TMPRSS15: variants seen among roughly 807,000 people sequenced by gnomAD.
The protein encoded by TMPRSS15 is transmembrane serine protease 15, also known as enteropeptidase.
Under a neutral mutation model 125.3 loss-of-function variants are expected in TMPRSS15, and 128 were observed. The ratio of observed to expected loss-of-function variants is 1.02; its 90% confidence interval spans 0.89 to 1.18. The LOEUF (loss-of-function observed/expected upper bound fraction) is 1.18. TMPRSS15 is among the 50% of genes most tolerant of loss of function. The pLI is 0.00. For synonymous variants in TMPRSS15, 446 were observed against 423.2 expected, an observed-to-expected ratio of 1.05 and a Z score of -0.66; for missense variants, 1,283 against 1,212.7, an observed-to-expected ratio of 1.06 and a Z score of -0.86.
intron 1 of TMPRSS15, among the ~76,000 whole-genome samples, chr21:18,433,002 T>A (rs1291531278): frequency 1.3e-5 from 2 of 152,222 alleles, no homozygotes; most frequent in African/African-American, 2.4e-5. Flanking sequence ...CTCGGAAAGA[T>A]AACTTTGTAT....
At chr21:18,363,163 T>C (rs1180254302) in intron 7 of TMPRSS15, among the ~76,000 whole-genome samples, 1 of 152,160 alleles carries the variant, frequency 6.6e-6, no homozygotes, top group Non-Finnish European at 1.5e-5. Context: ...ATCACTAATA[T>C]AATAATCAAC....
At chr21:18,347,526 G>A (rs539697987) in intron 10 of TMPRSS15, among the ~76,000 whole-genome samples, 1 of 152,008 alleles carries the variant, frequency 6.6e-6, no homozygotes, top group South Asian at 2.1e-4. Context: ...CACTGCACCT[G>A]GCCTGTTGTA....
intron 7 of TMPRSS15, among the ~76,000 whole-genome samples, chr21:18,362,529 C>T (rs1035982022): frequency 9.9e-5 from 15 of 152,124 alleles, no homozygotes; most frequent in Non-Finnish European, 2.2e-4. Flanking sequence ...ATTCAACTCA[C>T]TTCCAATAAA....
chr21:18,434,454 T>C (rs1004091096), intron 1 of TMPRSS15, among the ~76,000 whole-genome samples: 4 of 152,130 alleles, frequency 2.6e-5, no homozygotes, highest in African/African-American at 9.7e-5. Flanking sequence ...AAGATGCTCT[T>C]TTCCTAGGTA....
intron 1 of TMPRSS15, among the ~76,000 whole-genome samples, chr21:18,454,254 TC>T (rs1379184349): frequency 1.3e-5 from 2 of 152,156 alleles, no homozygotes; most frequent in Non-Finnish European, 2.9e-5. Context: ...CATCATTTCT[TC>T]CTTGCTAATG....
chr21:18,371,461 A>ATCC (rs2075791295), intron 6 of TMPRSS15, among the ~76,000 whole-genome samples: 1 of 152,176 alleles, frequency 6.6e-6, no homozygotes. Context: ...CCAGCTATGA[A>ATCC]ATGAAGAAAT....
At chr21:18,443,245 G>A (rs553621968) in intron 1 of TMPRSS15, among the ~76,000 whole-genome samples, 27 of 152,308 alleles carry the variant, frequency 1.8e-4, no homozygotes, top group African/African-American at 6.0e-4. Context: ...AGAGAACAGA[G>A]GGGCTGGTGA....
At chr21:18,336,945 A>C (rs2075398332) in intron 13 of TMPRSS15, among the ~76,000 whole-genome samples, 1 of 152,222 alleles carries the variant, frequency 6.6e-6, no homozygotes, top group South Asian at 2.1e-4. Context: ...ATTTCAAGAG[A>C]GGTAGAGAGG....
In TMPRSS15 at chr21:18,480,146, C is replaced by T. The variant is rs935435913; in HGVS notation, c.10+5653G>A. On this transcript the variant is annotated intron_variant, in intron 1 of 7. Coordinates refer to the TMPRSS15 transcript ENST00000422787. ...AGCAAACCAACACAGGAACAGAAAACCAAACACCACGTATTCTCACTCATA... is the reference window on the plus strand; with the variant it reads ...AGCAAACCAACACAGGAACAGAAAATCAAACACCACGTATTCTCACTCATA... Among the ~76,000 whole-genome samples the T allele has an allele frequency of 2.6e-5, 4 of 151,960 alleles. No homozygotes were observed. The East Asian group carries it at 7.7e-4, about 29-fold the overall frequency.
At chr21:18,443,346 G>A (rs2076247233) in intron 1 of TMPRSS15, among the ~76,000 whole-genome samples, 1 of 152,076 alleles carries the variant, frequency 6.6e-6, no homozygotes, top group Non-Finnish European at 1.5e-5. Context: ...AGTGAAGCTG[G>A]CACCAGCCTG....
chr21:18,321,808 A>C (rs2075241213), intron 16 of TMPRSS15, among the ~76,000 whole-genome samples: 1 of 152,116 alleles, frequency 6.6e-6, no homozygotes, highest in African/African-American at 2.4e-5. Context: ...TTTGGGTATA[A>C]AAAATCTCGA....
At chr21:18,454,422 G>GAGAT in intron 1 of TMPRSS15, among the ~76,000 whole-genome samples, 1 of 152,166 alleles carries the variant, frequency 6.6e-6, no homozygotes, top group Non-Finnish European at 1.5e-5. Flanking sequence ...GATATATATA[G>GAGAT]AGATATATAA....
intron 24 of TMPRSS15, among the ~76,000 whole-genome samples, chr21:18,272,070 G>T (rs576486988): frequency 1.3e-5 from 2 of 152,282 alleles, no homozygotes; most frequent in African/African-American, 4.8e-5. Flanking sequence ...ACAGTACAAT[G>T]ATTTAATCCC....
chr21:18,305,875 G>C (rs1471048821), intron 18 of TMPRSS15, among the ~76,000 whole-genome samples: 1 of 152,124 alleles, frequency 6.6e-6, no homozygotes, highest in Non-Finnish European at 1.5e-5. Flanking sequence ...GAAAACATCA[G>C]AGTTATAATT....
In TMPRSS15 at chr21:18,305,196, T is replaced by A. The variant is rs898787647; in HGVS notation, c.2166-7367A>T. On this transcript the variant is annotated intron_variant, in intron 18 of 24. Transcript: ENST00000284885. ...TGAATTTCCGTACTTTTTTTTTTTTTTTTTTTTTTTGAGACGGAGTCTCCC... is the reference window on the plus strand; with the variant it reads ...TGAATTTCCGTACTTTTTTTTTTTTATTTTTTTTTTGAGACGGAGTCTCCC... Among the ~76,000 whole-genome samples, 15 of 139,980 alleles carry A rather than the reference T, an allele frequency of 1.1e-4. No homozygotes were observed. The East Asian group carries it at 2.5e-3, about 23-fold the overall frequency. The allele number at this position is 139,980 out of a possible 152,430, so 91.8% of individuals were successfully genotyped here.
chr21:18,365,963 G>T (rs1280111205), intron 6 of TMPRSS15, among the ~76,000 whole-genome samples: 2 of 151,930 alleles, frequency 1.3e-5, no homozygotes, highest in East Asian at 3.9e-4. Flanking sequence ...TCGATCTCCT[G>T]ACCATAGGTG....
At chr21:18,427,204 T>C (rs974324785) in intron 1 of TMPRSS15, among the ~76,000 whole-genome samples, 3 of 152,232 alleles carry the variant, frequency 2.0e-5, no homozygotes, top group South Asian at 2.1e-4. Flanking sequence ...TGTGTCTGTC[T>C]GAAGCATGCA....
intron 18 of TMPRSS15, among the ~76,000 whole-genome samples, chr21:18,308,351 G>A (rs1035214945): frequency 1.3e-5 from 2 of 149,578 alleles, no homozygotes; most frequent in Non-Finnish European, 3.0e-5. Context: ...TTTTGTTGAA[G>A]TTTATACTGT....
intron 1 of TMPRSS15, among the ~76,000 whole-genome samples, chr21:18,437,431 T>C (rs1023599675): frequency 6.6e-6 from 1 of 152,080 alleles, no homozygotes; most frequent in South Asian, 2.1e-4. Context: ...ACTTCATGTC[T>C]AAAACACAAA....
Sources: allele counts gnomAD v4.1 joint callset (sites outside exome capture counted in the v4.1 genomes callset), GRCh38; gene constraint gnomAD v4.1.1; transcripts MANE v1.5; gene names NCBI Gene and HGNC (gene_info 2026-07-23, HGNC 2026-07-21).